The following CTNNA1 variants were observed in gnomAD, a reference collection of about 807,000 sequenced individuals.
CTNNA1 encodes the protein catenin alpha 1.
A neutral mutation model predicts 98.4 loss-of-function variants in CTNNA1; 37 were observed. The observed-to-expected ratio is 0.38, with a 90% confidence interval of 0.29 to 0.49. CTNNA1 has a LOEUF of 0.49. Ranked by LOEUF, CTNNA1 falls within the 20% of genes least tolerant of loss-of-function variation. CTNNA1 has a pLI of 0.95. For synonymous variants in CTNNA1, 404 were observed against 413.2 expected, an observed-to-expected ratio of 0.98 and a Z score of 0.27; for missense variants, 761 against 1,147.2, an observed-to-expected ratio of 0.66 and a Z score of 4.86.
At chr5:138,919,967 ATTTTTTT>A (rs34990349) in intron 11 of CTNNA1, among the ~76,000 whole-genome samples, 8 of 79,410 alleles carry the variant, frequency 1.0e-4, no homozygotes, top group Non-Finnish European at 1.6e-4. Flanking sequence ...AGCTTTGGCA[ATTTTTTT>A]TTTTTTTTTT....
At chr5:138,760,272 G>T (rs1752198203) in intron 1 of CTNNA1, among the ~76,000 whole-genome samples, 1 of 151,878 alleles carries the variant, frequency 6.6e-6, no homozygotes, top group Non-Finnish European at 1.5e-5. Context: ...GGGATTGCAG[G>T]AGTGAGCCAC....
At chr5:138,908,830 C>T (rs1339690884) in intron 10 of CTNNA1, among the ~76,000 whole-genome samples, 1 of 152,054 alleles carries the variant, frequency 6.6e-6, no homozygotes, top group Non-Finnish European at 1.5e-5. Context: ...GCTACTTTCT[C>T]TCACTCTTTT....
chr5:138,781,834 T>G (rs1316154915), intron 1 of CTNNA1, 89 bp from the exon 2 acceptor site: 3 of 1,252,866 alleles, frequency 2.4e-6, no homozygotes, highest in Non-Finnish European at 3.2e-6. Context: ...GCTTTCCTGA[T>G]GCAAAAGTCC....
intron 3 of CTNNA1, among the ~76,000 whole-genome samples, chr5:138,792,296 G>A (rs1437879534): frequency 2.6e-5 from 4 of 152,160 alleles, no homozygotes; most frequent in African/African-American, 9.7e-5. Flanking sequence ...AGGTTATTGA[G>A]CACAAGCTGT....
intron 3 of CTNNA1, among the ~76,000 whole-genome samples, chr5:138,793,307 A>G (rs868823172): frequency 6.6e-6 from 1 of 152,182 alleles, no homozygotes; most frequent in South Asian, 2.1e-4. Context: ...TTGACTTGGG[A>G]TGTTTCAAGG....
Position 138,873,842 on chromosome 5 carries a change from T to A in CTNNA1, c.1063-12370T>A. On this transcript the variant is annotated intron_variant, in intron 7 of 17. Transcript: ENST00000302763. The surrounding 1 kb of genome is among the most constrained non-coding windows in gnomAD (Gnocchi z 6.1). ...CATCCCACATGTCAAGTTGCTGATT[T>A]TGTTCCATTGTAAGAAGAGCGTGTG... 6.2e-7 allele frequency: 1 copy of A among 1,614,050 alleles called. No individual in the cohort carries two copies. The highest frequency in any genetic ancestry group is 8.5e-7 in the Non-Finnish European group (1 of 1,179,894).
chr5:138,818,214 TCCTCCCATCTCAG>T (rs1269951048), intron 5 of CTNNA1, among the ~76,000 whole-genome samples: 1 of 150,776 alleles, frequency 6.6e-6, no homozygotes, highest in Non-Finnish European at 1.5e-5. Context: ...TCTCAAGTGA[TCCTCCCATCTCAG>T]CCTCCCAAAT....
chr5:138,882,786 A>C (rs1753211414), intron 7 of CTNNA1, among the ~76,000 whole-genome samples: 1 of 152,204 alleles, frequency 6.6e-6, no homozygotes, highest in Non-Finnish European at 1.5e-5. Flanking sequence ...TAGAAATAAA[A>C]AATCATAACT....
At chr5:138,886,362 A>G in intron 8 of CTNNA1, 70 bp downstream of exon 8, 1 of 1,464,186 alleles carries the variant, frequency 6.8e-7, no homozygotes, top group South Asian at 1.3e-5. Context: ...AAATCCTAAT[A>G]AGCACTGGCC....
At chr5:138,842,525 C>T (rs1172694576) in intron 7 of CTNNA1, among the ~76,000 whole-genome samples, 1 of 152,158 alleles carries the variant, frequency 6.6e-6, no homozygotes, top group African/African-American at 2.4e-5. Context: ...CCTCTCACCT[C>T]CCTCACCTTT....
chr5:138,882,094 A>G (rs1266882970), intron 7 of CTNNA1, among the ~76,000 whole-genome samples: 3 of 152,222 alleles, frequency 2.0e-5, no homozygotes, highest in Non-Finnish European at 2.9e-5. Context: ...TTCATGTCCA[A>G]TGGGAGACAG....
chr5:138,832,064 T>C (rs978427958), intron 7 of CTNNA1, among the ~76,000 whole-genome samples: 1 of 152,186 alleles, frequency 6.6e-6, no homozygotes, highest in Non-Finnish European at 1.5e-5. Flanking sequence ...TTAAACCAAA[T>C]ACTCTGGAAT....
chr5:138,785,454 G>C (rs1755585510), intron 3 of CTNNA1, among the ~76,000 whole-genome samples: 1 of 152,126 alleles, frequency 6.6e-6, no homozygotes, highest in Non-Finnish European at 1.5e-5. Context: ...GTATTCTGTG[G>C]TACATTCTCC....
chr5:138,924,499 T>A lies in CTNNA1; in HGVS notation c.1547-11T>A, dbSNP rs1763590511. ...CCTCCTTCCTCATTCAACTTTTTGCTTGTTCTCCAGAGAATCACATTTTGG... is the reference window on the plus strand; with the variant it reads ...CCTCCTTCCTCATTCAACTTTTTGCATGTTCTCCAGAGAATCACATTTTGG... On this transcript the variant is annotated splice_polypyrimidine_tract_variant and intron_variant, in intron 11 of 17. Transcript: ENST00000302763. The A allele has an allele frequency of 1.9e-6, 3 of 1,613,952 alleles. No individual in the cohort carries two copies. Among genetic ancestry groups the A allele is most frequent in the African/African-American group, 2.7e-5 (2 of 75,060 alleles).
chr5:138,760,613 G>A (rs780253425), intron 1 of CTNNA1, among the ~76,000 whole-genome samples: 2 of 152,138 alleles, frequency 1.3e-5, no homozygotes, highest in African/African-American at 2.4e-5. Flanking sequence ...TGATTCACCT[G>A]CCTCAGCCTC....
chr5:138,894,486 G>T (rs1756295026), intron 9 of CTNNA1, among the ~76,000 whole-genome samples: 1 of 151,298 alleles, frequency 6.6e-6, no homozygotes, highest in Non-Finnish European at 1.5e-5. Context: ...TTGCCATGTT[G>T]TGCAGGCTGT....
At chr5:138,791,615 CAAAAAAAAAAAA>C (rs1181055311) in intron 3 of CTNNA1, among the ~76,000 whole-genome samples, 33 of 40,308 alleles carry the variant, frequency 8.2e-4, no homozygotes, top group Admixed American at 5.5e-3. Flanking sequence ...GACTCCGTCT[CAAAAAAAAAAAA>C]AAAAAAAAAA....
chr5:138,776,750 G>A (rs1415029054), intron 1 of CTNNA1, among the ~76,000 whole-genome samples: 3 of 150,574 alleles, frequency 2.0e-5, no homozygotes, highest in South Asian at 2.1e-4. Context: ...AGGGGCGGCC[G>A]GGCAGAAGCG....
intron 7 of CTNNA1, among the ~76,000 whole-genome samples, chr5:138,882,836 G>C (rs771060686): frequency 1.2e-4 from 18 of 152,158 alleles, no homozygotes; most frequent in Non-Finnish European, 2.4e-4. Flanking sequence ...TTGTTTGTTT[G>C]TTTGTTTTTT....
Sources: allele counts gnomAD v4.1 joint callset (sites outside exome capture counted in the v4.1 genomes callset), GRCh38; gene constraint gnomAD v4.1.1; non-coding constraint Gnocchi (gnomAD v3.1); transcripts MANE v1.5; gene names NCBI Gene and HGNC (gene_info 2026-07-23, HGNC 2026-07-21).